Variants in STPG2 observed in about 807,000 individuals in gnomAD.
STPG2 encodes the protein sperm-tail PG-rich repeat-containing protein 2.
STPG2 carries 56 observed loss-of-function variants against 54.2 expected under a neutral mutation model. The observed-to-expected ratio is 1.03, with a 90% confidence interval of 0.83 to 1.29. The LOEUF is 1.29. Ranked by LOEUF, STPG2 falls within the 50% of genes most tolerant of loss-of-function variation. The probability of loss-of-function intolerance (pLI) is 0.00; values close to 1 mark genes in which losing one functional copy is unlikely to be tolerated. For missense variants in STPG2, 596 were observed against 544.9 expected, an observed-to-expected ratio of 1.09 and a Z score of -0.93; for synonymous variants, 200 against 181.8, an observed-to-expected ratio of 1.10 and a Z score of -0.81.
chr4:98,132,459 C>T (rs879674634), intron 2 of STPG2, among the ~76,000 whole-genome samples: 2 of 151,944 alleles, frequency 1.3e-5, no homozygotes, highest in African/African-American at 4.8e-5. Flanking sequence ...TGAAGATGCT[C>T]TCTGGTCTCT....
At chr4:97,946,450 T>G (rs1733226921) in intron 7 of STPG2, among the ~76,000 whole-genome samples, 1 of 152,120 alleles carries the variant, frequency 6.6e-6, no homozygotes, top group Non-Finnish European at 1.5e-5. Context: ...TTGGGAGACT[T>G]AGTCATGAAT....
intron 5 of STPG2, among the ~76,000 whole-genome samples, chr4:98,019,939 G>C (rs1736116507): frequency 8.2e-6 from 1 of 122,004 alleles, no homozygotes; most frequent in Non-Finnish European, 1.8e-5. Flanking sequence ...GGGTTTTCTA[G>C]ATATACAATC....
At chr4:97,546,422 T>C (rs1005292094) in intron 4 of STPG2, among the ~76,000 whole-genome samples, 1 of 152,056 alleles carries the variant, frequency 6.6e-6, no homozygotes, top group African/African-American at 2.4e-5. Context: ...TATTATACTA[T>C]CAAGGTAAAT....
chr4:97,816,823 C>T (rs1727927483), intron 9 of STPG2, among the ~76,000 whole-genome samples: 1 of 150,648 alleles, frequency 6.6e-6, no homozygotes. Context: ...CCTCTTCCTT[C>T]CTTCCTTCCC....
chr4:97,931,505 A>C (rs188161466), intron 8 of STPG2, among the ~76,000 whole-genome samples: 4 of 152,304 alleles, frequency 2.6e-5, no homozygotes, highest in African/African-American at 9.6e-5. Context: ...CATATGTTGA[A>C]ACAACCTTGA....
At chr4:97,951,773 A>G (rs1733481216) in intron 7 of STPG2, among the ~76,000 whole-genome samples, 1 of 152,110 alleles carries the variant, frequency 6.6e-6, no homozygotes, top group Non-Finnish European at 1.5e-5. Flanking sequence ...TTTATTCACC[A>G]GTATTTTATT....
At chr4:97,773,253 T>C (rs1344858872) in intron 9 of STPG2, among the ~76,000 whole-genome samples, 1 of 152,116 alleles carries the variant, frequency 6.6e-6, no homozygotes, top group Non-Finnish European at 1.5e-5. Context: ...TTTATTGGAT[T>C]CAAAACCAAA....
chr4:97,477,476 GTT>G (rs1018809087), intron 4 of STPG2, among the ~76,000 whole-genome samples: 5 of 120,392 alleles, frequency 4.2e-5, no homozygotes, highest in Admixed American at 8.3e-5. Context: ...TTCCTTTTTT[GTT>G]TTTTTTTTTT....
downstream of STPG2, among the ~76,000 whole-genome samples, chr4:97,557,234 G>A (rs1028781303): frequency 9.2e-5 from 14 of 151,900 alleles, no homozygotes; most frequent in East Asian, 3.9e-4. Context: ...AGCATAAAAC[G>A]AAATTGAATA....
chr4:97,879,717 A>C (rs1730303892), intron 8 of STPG2, among the ~76,000 whole-genome samples: 1 of 152,162 alleles, frequency 6.6e-6, no homozygotes, highest in African/African-American at 2.4e-5. Context: ...AACATTCTCA[A>C]CATCTCTAAT....
At chr4:97,454,725 T>C (rs1460456495) in intron 4 of STPG2, among the ~76,000 whole-genome samples, 1 of 152,070 alleles carries the variant, frequency 6.6e-6, no homozygotes, top group Non-Finnish European at 1.5e-5. Flanking sequence ...ATGAATATCA[T>C]GCCTAGAATT....
At chr4:97,820,292 C>G (rs1728043461) in intron 9 of STPG2, among the ~76,000 whole-genome samples, 1 of 152,128 alleles carries the variant, frequency 6.6e-6, no homozygotes, top group Admixed American at 6.5e-5. Context: ...TCTCCCTCCC[C>G]TCCAGCCTCT....
intron 8 of STPG2, among the ~76,000 whole-genome samples, chr4:97,874,520 C>T (rs1205812898): frequency 2.0e-5 from 3 of 151,780 alleles, no homozygotes; most frequent in Admixed American, 6.6e-5. Context: ...TCCATCCCAC[C>T]TTCCATAGAC....
At chr4:97,788,845 C>T (rs1726903073) in intron 9 of STPG2, among the ~76,000 whole-genome samples, 1 of 151,918 alleles carries the variant, frequency 6.6e-6, no homozygotes, top group African/African-American at 2.4e-5. Context: ...TACAGAAATA[C>T]AGACATGTTT....
At chr4:98,090,442 A>G (rs562949870) in intron 5 of STPG2, among the ~76,000 whole-genome samples, 2 of 151,788 alleles carry the variant, frequency 1.3e-5, no homozygotes, top group South Asian at 4.2e-4. Flanking sequence ...ACCATGTTTT[A>G]TTTTTGGTAC....
intron 4 of STPG2, among the ~76,000 whole-genome samples, chr4:97,497,808 T>C (rs1730642191): frequency 6.6e-6 from 1 of 151,900 alleles, no homozygotes; most frequent in Non-Finnish European, 1.5e-5. Flanking sequence ...AAGTTATCAC[T>C]AACATTTTTC....
chr4:97,473,415 G>A (rs920195634), intron 4 of STPG2, among the ~76,000 whole-genome samples: 4 of 152,112 alleles, frequency 2.6e-5, no homozygotes, highest in South Asian at 2.1e-4. Context: ...GGTCGAAACC[G>A]TAGGGATGAA....
In STPG2 at chr4:97,652,233, A is replaced by G. The variant is rs1227383707; in HGVS notation, c.1320+60466T>C. Among the ~76,000 whole-genome samples the G allele has an allele frequency of 2.0e-5, 3 of 152,052 alleles. No individual in the cohort carries two copies. The East Asian group carries it at 5.8e-4, about 29-fold the overall frequency. On this transcript the variant is annotated intron_variant, in intron 10 of 10. Transcript: ENST00000295268. ...AAGCAAAGCATAGAAAAGACAGTTAAAAGTGCTAGCATGTCCTCTAACATG... is the reference window on the plus strand; with the variant it reads ...AAGCAAAGCATAGAAAAGACAGTTAGAAGTGCTAGCATGTCCTCTAACATG...
At chr4:97,997,976 A>G (rs545376667) in intron 5 of STPG2, among the ~76,000 whole-genome samples, 91 of 152,368 alleles carry the variant, frequency 6.0e-4, no homozygotes, top group African/African-American at 2.2e-3. Context: ...AAGATATTAA[A>G]GAACGGAGTG....
Sources: allele counts gnomAD v4.1 joint callset (sites outside exome capture counted in the v4.1 genomes callset), GRCh38; gene constraint gnomAD v4.1.1; transcripts MANE v1.5; gene names NCBI Gene and HGNC (gene_info 2026-07-23, HGNC 2026-07-21).